Variants in DACH2 observed in about 807,000 individuals in gnomAD.
The protein encoded by DACH2 is dachshund family transcription factor 2.
DACH2 carries 17 observed loss-of-function variants against 35.8 expected under a neutral mutation model. The observed-to-expected ratio is 0.48, with a 90% confidence interval of 0.33 to 0.71. The LOEUF is 0.71. Ranked by LOEUF, DACH2 falls within the 30% of genes least tolerant of loss-of-function variation. The probability of loss-of-function intolerance (pLI) is 0.02; values close to 1 mark genes in which losing one functional copy is unlikely to be tolerated. For synonymous variants in DACH2, 195 were observed against 177.3 expected (o/e 1.10, Z -0.79); for missense variants, 469 against 472.7 (o/e 0.99, Z 0.07).
intron 2 of DACH2, among the ~76,000 whole-genome samples, chrX:86,382,461 TACACACACACACACACACACACACACAC>T (rs55825336): frequency 6.3e-5 from 6 of 94,612 alleles, no homozygotes; most frequent in Non-Finnish European, 8.5e-5. Context: ...GCTACATTCA[TACACACACACACACACACACACACACAC>T]ACACACACAC....
intron 1 of DACH2, among the ~76,000 whole-genome samples, chrX:86,157,940 T>G (rs2030607149): frequency 9.0e-6 from 1 of 111,226 alleles, no homozygotes; most frequent in Non-Finnish European, 1.9e-5. Flanking sequence ...TACTATCTCT[T>G]AATGGCCTTT....
At chrX:86,168,841 T>G (rs2031031767) in intron 1 of DACH2, among the ~76,000 whole-genome samples, 1 of 111,452 alleles carries the variant, frequency 9.0e-6, no homozygotes, top group South Asian at 3.8e-4. Context: ...TATTTATATT[T>G]TATTGTACTG....
chrX:86,393,377 A>G (rs1182591200), intron 2 of DACH2, among the ~76,000 whole-genome samples: 1 of 112,135 alleles, frequency 8.9e-6, no homozygotes, highest in Non-Finnish European at 1.9e-5. Flanking sequence ...CCATCATTGT[A>G]TTCCCATTGC....
chrX:86,575,571 T>C (rs908319630), intron 3 of DACH2, among the ~76,000 whole-genome samples: 7 of 111,899 alleles, frequency 6.3e-5, no homozygotes, highest in Non-Finnish European at 1.1e-4. Flanking sequence ...TAATTGTTCA[T>C]AGGTCAGAAT....
At chrX:86,599,461 C>CTTTT (rs1385177888) in intron 3 of DACH2, among the ~76,000 whole-genome samples, 77 of 41,728 alleles carry the variant, frequency 1.8e-3, no homozygotes, top group Admixed American at 8.1e-3. Flanking sequence ...TTCCTTCCTT[C>CTTTT]CTTCTTTTCT....
chrX:86,232,208 T>G (rs59062497), intron 1 of DACH2, among the ~76,000 whole-genome samples: 8,616 of 110,809 alleles, frequency 0.078, 830 homozygotes, highest in African/African-American at 0.27. Flanking sequence ...CAACTGAAGA[T>G]GGAATAAAGA....
At chrX:86,588,460 G>T (rs920303130) in intron 3 of DACH2, among the ~76,000 whole-genome samples, 14 of 111,868 alleles carry the variant, frequency 1.3e-4, no homozygotes, top group Admixed American at 5.7e-4. Context: ...TGGCAGTATG[G>T]CCATTTTAAC....
intron 2 of DACH2, among the ~76,000 whole-genome samples, chrX:86,490,904 G>A (rs761330083): frequency 4.2e-4 from 47 of 111,001 alleles, no homozygotes; most frequent in African/African-American, 9.4e-4. Flanking sequence ...GAATATTTAC[G>A]TTGGTGGACT....
chrX:86,609,735 T>C, intron 3 of DACH2, among the ~76,000 whole-genome samples: 1 of 111,845 alleles, frequency 8.9e-6, no homozygotes, highest in Middle Eastern at 4.6e-3. Flanking sequence ...CTGATAGTTT[T>C]GGACAAGATA....
At chrX:86,804,446 A>C in intron 7 of DACH2, among the ~76,000 whole-genome samples, 1 of 111,594 alleles carries the variant, frequency 9.0e-6, no homozygotes, top group African/African-American at 3.3e-5. Flanking sequence ...GTTTGACATG[A>C]AATGTAGGTA....
chrX:86,301,175 G>A (rs1454273547), intron 1 of DACH2, among the ~76,000 whole-genome samples: 3 of 111,856 alleles, frequency 2.7e-5, no homozygotes, highest in African/African-American at 6.5e-5. Context: ...TCTTACATCA[G>A]TCATGGAAAA....
At chrX:86,188,733 G>T (rs1026038274) in intron 1 of DACH2, among the ~76,000 whole-genome samples, 3 of 112,074 alleles carry the variant, frequency 2.7e-5, no homozygotes, top group African/African-American at 9.7e-5. Flanking sequence ...AAGGAATGCA[G>T]AGAAGGACTC....
intron 2 of DACH2, among the ~76,000 whole-genome samples, chrX:86,420,296 G>T (rs67101941): frequency 0.037 from 4,105 of 111,872 alleles, 82 homozygotes; most frequent in East Asian, 0.21. Context: ...TCCTGAAAAA[G>T]ATATTTTTCT....
chrX:86,239,534 C>T (rs1038241407), intron 1 of DACH2, among the ~76,000 whole-genome samples: 6 of 111,910 alleles, frequency 5.4e-5, no homozygotes, highest in East Asian at 2.8e-4. Context: ...AGCAGTAGTT[C>T]ATTCTTTTTA....
intron 2 of DACH2, among the ~76,000 whole-genome samples, chrX:86,505,898 C>A (rs1213004208): frequency 2.7e-5 from 3 of 111,791 alleles, no homozygotes; most frequent in Non-Finnish European, 5.6e-5. Context: ...TTATAATGAT[C>A]AAATTCATAG....
chrX:86,449,970 A>G (rs1424019522), intron 2 of DACH2, among the ~76,000 whole-genome samples: 1 of 111,437 alleles, frequency 9.0e-6, no homozygotes. Context: ...TTTACCAGCG[A>G]ATTTTATACT....
At chrX:86,460,124 T>C (rs908340598) in intron 2 of DACH2, among the ~76,000 whole-genome samples, 1 of 110,800 alleles carries the variant, frequency 9.0e-6, no homozygotes, top group Non-Finnish European at 1.9e-5. Context: ...TAGAACATGG[T>C]AGAAATTACT....
At chrX:86,719,925 C>T (rs199657674) in intron 6 of DACH2, among the ~76,000 whole-genome samples, 1 of 69,196 alleles carries the variant, frequency 1.4e-5, no homozygotes, top group Non-Finnish European at 2.8e-5. Context: ...CTTTTTTTTT[C>T]TTTTTTCTTT....
At chrX:86,735,164 CAT>C (rs2041581806) in intron 6 of DACH2, among the ~76,000 whole-genome samples, 1 of 111,736 alleles carries the variant, frequency 8.9e-6, no homozygotes, top group Non-Finnish European at 1.9e-5. Flanking sequence ...GGCAATGGAA[CAT>C]GTGCACATAC....
Sources: gnomAD v4.1 joint callset for allele counts (sites outside exome capture counted in the v4.1 genomes callset) on GRCh38, gnomAD v4.1.1 for gene constraint, MANE v1.5 for transcripts, NCBI Gene and HGNC (gene_info 2026-07-23, HGNC 2026-07-21) for gene names.